MSI2: variants seen among roughly 807,000 people sequenced by gnomAD.
The protein encoded by MSI2 is musashi RNA binding protein 2.
Under a neutral mutation model 45.6 loss-of-function variants are expected in MSI2, and 17 were observed. The ratio of observed to expected loss-of-function variants is 0.37; its 90% CI spans 0.26 to 0.56. The LOEUF is 0.56. Among genes scored for constraint, MSI2 ranks in the 20% least tolerant of loss-of-function variants. The pLI, the probability that MSI2 is intolerant of heterozygous loss-of-function variation, is 0.77. For synonymous variants in MSI2, 156 were observed against 158.2 expected, an observed-to-expected ratio of 0.99 and a Z score of 0.11; for missense variants, 293 against 444.2, an observed-to-expected ratio of 0.66 and a Z score of 3.06.
intron 10 of MSI2, chr17:57,631,990 G>A (rs376893780): frequency 4.2e-6 from 6 of 1,427,114 alleles, no homozygotes; most frequent in Non-Finnish European, 5.5e-6. Context: ...TTAATTCTTG[G>A]ACTCATGTCC....
At position 57,532,794 on chromosome 17, in the gene MSI2, T is replaced by C. The variant is rs150137619; in HGVS notation, c.454+3070T>C. 5.5e-3 allele frequency among the ~76,000 whole-genome samples: 837 copies of C among 152,328 alleles called. 9 individuals carry two copies. The highest frequency in any genetic ancestry group is 0.018 in the African/African-American group (752 of 41,584). ...TGGCTGGCGCCGCCTCCAGCTCTCTTCTTAAAGAGGCCCAGACCATCGACC... is the reference window on the plus strand; with the variant it reads ...TGGCTGGCGCCGCCTCCAGCTCTCTCCTTAAAGAGGCCCAGACCATCGACC... On this transcript the variant is annotated intron_variant, in intron 7 of 13. Coordinates refer to ENST00000284073, the MANE Select transcript of MSI2 (RefSeq NM_138962.4).
chr17:57,399,348 G>A (rs2083946479), intron 5 of MSI2, among the ~76,000 whole-genome samples: 1 of 152,194 alleles, frequency 6.6e-6, no homozygotes, highest in African/African-American at 2.4e-5. Context: ...AAGGAAGTAG[G>A]GAGTAGGTGG....
chr17:57,379,935 C>CT (rs771479422), intron 5 of MSI2, among the ~76,000 whole-genome samples: 50 of 151,936 alleles, frequency 3.3e-4, no homozygotes, highest in South Asian at 8.3e-4. Context: ...TCTTTTCTTT[C>CT]TTTTTTTTGT....
At chr17:57,404,966 T>G (rs1423604795) in intron 6 of MSI2, among the ~76,000 whole-genome samples, 1 of 152,110 alleles carries the variant, frequency 6.6e-6, no homozygotes, top group Non-Finnish European at 1.5e-5. Flanking sequence ...CTCTGCCAAC[T>G]GAGGTTAACA....
At chr17:57,362,432 T>C (rs1456756202) in intron 5 of MSI2, among the ~76,000 whole-genome samples, 1 of 152,258 alleles carries the variant, frequency 6.6e-6, no homozygotes, top group Non-Finnish European at 1.5e-5. Context: ...GATGGCGAAG[T>C]AACTTGTCTC....
Position 57,256,781 on chromosome 17 carries a change from C to T in MSI2, c.39C>T (p.Ala13=), listed in dbSNP as rs769825339. 14 of 1,479,708 alleles carry T rather than the reference C, an allele frequency of 9.5e-6. No individual in the cohort carries two copies. Among genetic ancestry groups the T allele is most frequent in the Non-Finnish European group, 1.3e-5 (14 of 1,117,284 alleles). The allele number at this position is 1,479,708 out of a possible 1,614,324, so 91.7% of individuals were successfully genotyped here. Residue 13 remains alanine, a synonymous_variant, in exon 1 of 14, where the codon GCC becomes GCT. Transcript: ENST00000284073. ...ANGSQGTSGS[A]NDSQHDPGKM... is the part of the protein sequence containing the mutation. Reference sequence around the variant, plus strand: ...GGAGCCAAGGCACCTCGGGCAGCGCCAACGACTCCCAGCACGACCCCGGGT... The same window carrying T: ...GGAGCCAAGGCACCTCGGGCAGCGCTAACGACTCCCAGCACGACCCCGGGT...
intron 11 of MSI2, among the ~76,000 whole-genome samples, chr17:57,662,842 C>T (rs971613483): frequency 1.3e-5 from 2 of 152,234 alleles, no homozygotes; most frequent in Admixed American, 1.3e-4. Context: ...TTTCTGGTCC[C>T]TGAATGCACT....
At chr17:57,624,435 A>G (rs1167676307) in intron 9 of MSI2, among the ~76,000 whole-genome samples, 1 of 152,226 alleles carries the variant, frequency 6.6e-6, no homozygotes, top group African/African-American at 2.4e-5. Context: ...CCACGAAATA[A>G]ATACGAAGGA....
At position 57,681,057 on chromosome 17, in the gene MSI2, G is replaced by A. The variant is rs1598522722; in HGVS notation, c.*1540G>A. The A allele has an allele frequency of 5.4e-6, 1 of 185,064 alleles. No individual in the cohort carries two copies. The highest frequency in any genetic ancestry group is 8.8e-5 in the East Asian group (1 of 11,426). The allele number at this position is 185,064 out of a possible 1,614,324, so 11.5% of individuals were successfully genotyped here. A position where few individuals can be genotyped will look rare whatever the true frequency, so the allele number is the denominator to read the frequency against. ...AAGTATCACCAGAGAGGCTATGGAA[G>A]AATTTTTTTTTAATTTATTGTAGAT... On this transcript the variant is annotated 3_prime_UTR_variant, in exon 14 of 14. Transcript: ENST00000284073.
chr17:57,296,879 CT>C (rs1426228231), intron 5 of MSI2, among the ~76,000 whole-genome samples: 2 of 152,020 alleles, frequency 1.3e-5, no homozygotes, highest in Non-Finnish European at 2.9e-5. Flanking sequence ...AATATTAAGG[CT>C]TTTTTGTTTT....
chr17:57,465,732 A>C (rs2085318261), intron 6 of MSI2, among the ~76,000 whole-genome samples: 1 of 152,052 alleles, frequency 6.6e-6, no homozygotes, highest in Non-Finnish European at 1.5e-5. Flanking sequence ...TGCTCTCCTG[A>C]ATTCCACCCT....
intron 10 of MSI2, among the ~76,000 whole-genome samples, chr17:57,647,771 A>G (rs1357599913): frequency 6.6e-6 from 1 of 151,372 alleles, no homozygotes; most frequent in Non-Finnish European, 1.5e-5. Flanking sequence ...CCGCCTCCCA[A>G]GTAGCTGGAA....
intron 10 of MSI2, among the ~76,000 whole-genome samples, chr17:57,634,877 A>G (rs113888347): frequency 0.013 from 1,911 of 152,320 alleles, 12 homozygotes; most frequent in Middle Eastern, 0.02. Context: ...TCACATGTTC[A>G]TCCCAGAAGA....
intron 5 of MSI2, among the ~76,000 whole-genome samples, chr17:57,296,171 T>C (rs1178624618): frequency 3.3e-5 from 5 of 152,148 alleles, no homozygotes; most frequent in Non-Finnish European, 7.4e-5. Context: ...GATAGTTGGT[T>C]GCCCTGAGAT....
chr17:57,456,576 CAG>C (rs2085119261), intron 6 of MSI2, among the ~76,000 whole-genome samples: 1 of 151,664 alleles, frequency 6.6e-6, no homozygotes, highest in Non-Finnish European at 1.5e-5. Context: ...GCCTGGGCGA[CAG>C]AGCGATCGAG....
At chr17:57,477,432 G>A (rs761179871) in intron 6 of MSI2, among the ~76,000 whole-genome samples, 2 of 152,146 alleles carry the variant, frequency 1.3e-5, no homozygotes, top group South Asian at 4.1e-4. Flanking sequence ...GCCCTGCGCT[G>A]CTCCTGAAAT....
intron 6 of MSI2, among the ~76,000 whole-genome samples, chr17:57,457,741 A>C (rs561549137): frequency 2.2e-4 from 33 of 152,012 alleles, no homozygotes; most frequent in African/African-American, 4.8e-4. Context: ...CAAATAAAAT[A>C]AAATCAAATA....
chr17:57,297,623 A>G (rs1429698879), intron 5 of MSI2, among the ~76,000 whole-genome samples: 1 of 152,166 alleles, frequency 6.6e-6, no homozygotes, highest in Non-Finnish European at 1.5e-5. Context: ...ACATTGATTG[A>G]CTCTTCCTTT....
At chr17:57,512,014 A>G (rs1037315453) in intron 6 of MSI2, among the ~76,000 whole-genome samples, 3 of 152,062 alleles carry the variant, frequency 2.0e-5, no homozygotes, top group African/African-American at 4.8e-5. Context: ...TTTGTGATGA[A>G]CCGTCTCCCC....
Sources: allele counts gnomAD v4.1 joint callset (sites outside exome capture counted in the v4.1 genomes callset), GRCh38; gene constraint gnomAD v4.1.1; transcripts MANE v1.5; gene names NCBI Gene and HGNC (gene_info 2026-07-23, HGNC 2026-07-21).